The following USP45 variants were observed in gnomAD, a reference collection of about 807,000 sequenced individuals.
USP45 encodes ubiquitin carboxyl-terminal hydrolase 45.
Under a neutral mutation model 95.8 loss-of-function variants are expected in USP45, and 89 were observed. The observed-to-expected ratio is 0.93, with a 90% confidence interval of 0.78 to 1.11. The LOEUF (loss-of-function observed/expected upper bound fraction) is 1.11, where lower values mean the gene tolerates loss of function less well. USP45 is among the 50% of genes least tolerant of loss of function. The pLI is 0.00. For synonymous variants in USP45, 281 were observed against 316.2 expected (o/e 0.89, Z 1.18); for missense variants, 898 against 942.5 (o/e 0.95, Z 0.62).
rs566846838 is a variant in USP45, at chr6:99,506,283, C to G, written c.377+1145G>C. On this transcript the variant is annotated intron_variant, in intron 4 of 17. Transcript: ENST00000500704. ...TCAACATAGTGTCCATTTATACTAC[C>G]AAAACAGTGTGATATGCTAATAAGA... Among the ~76,000 whole-genome samples the G allele has an allele frequency of 2.0e-5, 3 of 152,202 alleles. No individual in the cohort carries two copies. In the South Asian group the frequency reaches 6.2e-4, roughly 32 times the overall value.
chr6:99,463,908 G>A (rs1000946272), intron 13 of USP45, among the ~76,000 whole-genome samples: 5 of 151,168 alleles, frequency 3.3e-5, no homozygotes, highest in Non-Finnish European at 7.4e-5. Context: ...AAGTACTTAT[G>A]AGACAACTGC....
rs962182151 is a variant in USP45 at position 99,433,679 on chromosome 6, T to G, written c.*2037A>C. 2 of 152,210 alleles carry G rather than the reference T, an allele frequency of 1.3e-5. No individual in the cohort carries two copies. Among genetic ancestry groups the G allele is most frequent in the African/African-American group, 4.8e-5 (2 of 41,436 alleles). 9.4% of individuals were successfully genotyped at this position (152,210 alleles called of 1,614,324 possible). ...AAAATGACAATAAAAATATCTTACT[T>G]GCATGTTACTTCTGGAATAATGTCA... On this transcript the variant is annotated 3_prime_UTR_variant, in exon 18 of 18. Transcript: ENST00000500704.
chr6:99,461,572 T>G (rs1386822511), intron 13 of USP45: 2 of 985,312 alleles, frequency 2.0e-6, no homozygotes, highest in African/African-American at 3.5e-5. Context: ...TACTCAGAGA[T>G]AACATCTTCC....
intron 15 of USP45, 136 bp downstream of exon 15, chr6:99,443,429 G>A: frequency 3.8e-6 from 2 of 520,474 alleles, no homozygotes; most frequent in East Asian, 3.1e-5. Flanking sequence ...ATGGCTAGAT[G>A]AGCAGTAAAT....
At chr6:99,451,674 AAAC>A (rs1157510119) in intron 13 of USP45, among the ~76,000 whole-genome samples, 1 of 152,220 alleles carries the variant, frequency 6.6e-6, no homozygotes, top group Non-Finnish European at 1.5e-5. Flanking sequence ...GAATTGGAAA[AAAC>A]TACTTTAAAG....
In USP45 at chr6:99,485,258, C is replaced by G. The variant is rs566979640; in HGVS notation, c.715-2375G>C. On this transcript the variant is annotated intron_variant, in intron 7 of 17. Transcript: ENST00000500704. ...TATTCAGGAAGCTGAGGCAAGAGAA[C>G]TGCTTGAACCTACGAGGCAGAGGTT... Among the ~76,000 whole-genome samples, 81 of 151,556 alleles carry G rather than the reference C, an allele frequency of 5.3e-4. 2 individuals are homozygous for G. The highest frequency in any genetic ancestry group is 1.3e-3 in the South Asian group (6 of 4,798).
intron 13 of USP45, among the ~76,000 whole-genome samples, chr6:99,451,730 T>C (rs1314185001): frequency 6.6e-6 from 1 of 152,194 alleles, no homozygotes; most frequent in Non-Finnish European, 1.5e-5. Flanking sequence ...AAGACAATCC[T>C]AAGCCAAAAG....
rs1163189142 is a variant in USP45 at position 99,504,004 on chromosome 6, G to A, written c.378-139C>T. 1.0e-5 allele frequency: 6 copies of A among 572,346 alleles called. No homozygotes were observed. In the East Asian group the frequency reaches 1.8e-4, roughly 17 times the overall value. 35.5% of individuals were successfully genotyped at this position (572,346 alleles called of 1,614,324 possible). ...ATACAAAGGGGAAGCCACCAGGTAAGTCTAGAGAAATAAGCAGAGGACAAT... is the reference window on the plus strand; with the variant it reads ...ATACAAAGGGGAAGCCACCAGGTAAATCTAGAGAAATAAGCAGAGGACAAT... On this transcript the variant is annotated intron_variant, in intron 4 of 17. Transcript: ENST00000500704.
In USP45 at chr6:99,486,828, CACTT is replaced by C. The variant is rs994647726; in HGVS notation, c.714+1368_714+1371del. Among the ~76,000 whole-genome samples the C allele has an allele frequency of 1.1e-3, 170 of 152,158 alleles. 2 individuals carry two copies. The highest frequency in any genetic ancestry group is 4.0e-3 in the African/African-American group (166 of 41,522). On this transcript the variant is annotated intron_variant, in intron 7 of 17. Coordinates refer to ENST00000500704, the MANE Select transcript of USP45 (RefSeq NM_001346022.3). ...AGCTATACATATACTCTGACTTACA[CACTT>C]ACACACACACACAAACACACACACA...
rs185834445 is a variant in USP45 at position 99,467,120 on chromosome 6, C to T, written c.1016-357G>A. Among the ~76,000 whole-genome samples, 281 of 152,150 alleles carry T rather than the reference C, an allele frequency of 1.8e-3. 2 individuals are homozygous for T. The highest frequency in any genetic ancestry group is 5.8e-3 in the East Asian group (30 of 5,188). ...AAAGGAGATTATGCTATCAGGACTA[C>T]GGATGCCAGGATCACGGCTATGAAA... On this transcript the variant is annotated intron_variant, in intron 10 of 17. Coordinates refer to ENST00000500704, the MANE Select transcript of USP45 (RefSeq NM_001346022.3).
chr6:99,454,889 C>G (rs1784665251), intron 13 of USP45, among the ~76,000 whole-genome samples: 1 of 151,676 alleles, frequency 6.6e-6, no homozygotes, highest in East Asian at 2.0e-4. Context: ...GAGTTCAAGA[C>G]CATCCTGGCC....
intron 8 of USP45, among the ~76,000 whole-genome samples, chr6:99,479,931 T>C (rs1173320350): frequency 6.6e-6 from 1 of 152,212 alleles, no homozygotes; most frequent in Admixed American, 6.5e-5. Flanking sequence ...GAGAAAAAGA[T>C]ATAAAATGAT....
chr6:99,445,707 A>G (rs751144240), intron 14 of USP45, 90 bp downstream of exon 14: 74 of 999,398 alleles, frequency 7.4e-5, no homozygotes, highest in Non-Finnish European at 1.0e-4. Flanking sequence ...AAGTATAGGG[A>G]CAAGATTCTC....
intron 13 of USP45, chr6:99,462,362 T>G: frequency 2.0e-6 from 2 of 984,518 alleles, no homozygotes; most frequent in Non-Finnish European, 2.4e-6. Context: ...CTCATACATT[T>G]GGATAGCGGA....
rs145534690 is a variant in USP45, at chr6:99,500,182, T to A, written c.478+3583A>T. ...CTCTGTCGCCCAGGCTGGCATGCAGTGGTGTGATCTCGGCTTACTGCAGCC... is the reference window on the plus strand; with the variant it reads ...CTCTGTCGCCCAGGCTGGCATGCAGAGGTGTGATCTCGGCTTACTGCAGCC... On this transcript the variant is annotated intron_variant, in intron 5 of 17. Coordinates refer to ENST00000500704, the MANE Select transcript of USP45 (RefSeq NM_001346022.3). Among the ~76,000 whole-genome samples the A allele has an allele frequency of 4.9e-3, 745 of 152,294 alleles. 11 individuals are homozygous for A. Among genetic ancestry groups the A allele is most frequent in the African/African-American group, 0.017 (709 of 41,556 alleles).
In USP45 at chr6:99,503,765, T is replaced by C. The variant is rs971927354; in HGVS notation, c.478A>G (p.Ser160Gly). 1.1e-5 allele frequency: 17 copies of C among 1,579,968 alleles called. No individual in the cohort carries two copies. In the African/African-American group the frequency reaches 2.2e-4, roughly 20 times the overall value. Residue 160 changes from serine to glycine, a missense_variant and splice_region_variant, in exon 5 of 18, where the codon AGT becomes GGT. Physicochemically the swap from Ser to Gly is moderately conservative, Grantham distance 56 (BLOSUM62 0). Coordinates refer to ENST00000500704, the MANE Select transcript of USP45 (RefSeq NM_001346022.3). ...TTCCTTTAGTCATCGCTTAACTTAC[T>C]TGTTTGTGTTTTAGAAGCATGTTTC... ...LQKHASKTQTSAFSRIMKLCE... is the reference protein window; with the variant it reads ...LQKHASKTQTGAFSRIMKLCE...
chr6:99,511,845 G>GTGTA (rs1373324266), intron 1 of USP45, among the ~76,000 whole-genome samples: 141 of 22,708 alleles, frequency 6.2e-3, no homozygotes, highest in East Asian at 0.023. Context: ...GTGAGTGTGT[G>GTGTA]TATATATATA....
chr6:99,445,883 AT>A lies in USP45; in HGVS notation c.1888del (p.Met630TrpfsTer4). ...CTTATTATTCCCCATTAGTAATTCC[AT>A]AGATGTAAACTGGTAGAGACAGGAC... ...IQSCLYQFTS[M>X]ELLMGNNKLL... is the part of the protein sequence containing the mutation. On this transcript the variant is annotated frameshift_variant, in exon 14 of 18. Transcript: ENST00000500704. LOFTEE classifies it high-confidence loss of function. 1 of 1,613,178 alleles carries A rather than the reference AT, an allele frequency of 6.2e-7. No individual in the cohort carries two copies.
intron 8 of USP45, among the ~76,000 whole-genome samples, chr6:99,477,147 CAT>C (rs1791073501): frequency 6.6e-6 from 1 of 152,162 alleles, no homozygotes; most frequent in African/African-American, 2.4e-5. Context: ...ATATTTACAA[CAT>C]ATCTCATGTG....
Sources: gnomAD v4.1 joint callset for allele counts (sites outside exome capture counted in the v4.1 genomes callset) on GRCh38, gnomAD v4.1.1 for gene constraint, MANE v1.5 for transcripts, NCBI Gene and HGNC (gene_info 2026-07-23, HGNC 2026-07-21) for gene names.